ZNF577: variants seen among roughly 807,000 people sequenced by gnomAD.
ZNF577 encodes the protein zinc finger protein 577.
ZNF577 carries 14 observed loss-of-function variants against 13.9 expected under a neutral mutation model. That is an observed-to-expected ratio of 1.00 (90% CI 0.66 to 1.57). The LOEUF (loss-of-function observed/expected upper bound fraction) is 1.57, where lower values mean the gene tolerates loss of function less well. ZNF577 is among the 40% of genes most tolerant of loss of function. The probability of loss-of-function intolerance (pLI) is 0.00; values close to 1 mark genes in which losing one functional copy is unlikely to be tolerated. For synonymous variants in ZNF577, 203 were observed against 202.9 expected, an observed-to-expected ratio of 1.00 and a Z score of 0.00; for missense variants, 555 against 579.2, an observed-to-expected ratio of 0.96 and a Z score of 0.43.
chr19:51,875,052 T>C (rs917045998), intron 5 of ZNF577, among the ~76,000 whole-genome samples: 1 of 151,950 alleles, frequency 6.6e-6, no homozygotes, highest in Non-Finnish European at 1.5e-5. Flanking sequence ...TAGTGCAGCA[T>C]AGACACAAAG....
chr19:51,831,174 G>A (rs147340199), intron 9 of ZNF577, among the ~76,000 whole-genome samples: 11 of 152,042 alleles, frequency 7.2e-5, no homozygotes, highest in Admixed American at 1.3e-4. Flanking sequence ...GGAGTGCTGT[G>A]GTGCGATCTT....
At chr19:51,818,319 A>G (rs2084159231) in intron 9 of ZNF577, among the ~76,000 whole-genome samples, 1 of 152,208 alleles carries the variant, frequency 6.6e-6, no homozygotes, top group Admixed American at 6.5e-5. Flanking sequence ...TTAATTTCCC[A>G]AATGTTTCCT....
At chr19:51,839,216 T>C (rs2084305604) in intron 9 of ZNF577, among the ~76,000 whole-genome samples, 1 of 152,118 alleles carries the variant, frequency 6.6e-6, no homozygotes, top group Non-Finnish European at 1.5e-5. Context: ...AAATGTTATT[T>C]CAAAGGATTC....
Position 51,869,050 on chromosome 19 carries a change from G to GT in ZNF577, c.*3481dup, listed in dbSNP as rs2084612373. On this transcript the variant is annotated 3_prime_UTR_variant, in exon 6 of 6. Coordinates refer to ENST00000638348, the MANE Select transcript of ZNF577 (RefSeq NM_001370449.1). ...CAAGAAAGCCTGGGTATCGTCCAAGGTTTCTCCCCACTGAGACAGCCTGAG... is the reference window on the plus strand; with the variant it reads ...CAAGAAAGCCTGGGTATCGTCCAAGGTTTTCTCCCCACTGAGACAGCCTGAG... 6.6e-6 allele frequency among the ~76,000 whole-genome samples: 1 copy of GT among 152,188 alleles called. No individual in the cohort carries two copies. The highest frequency in any genetic ancestry group is 2.4e-5 in the African/African-American group (1 of 41,444).
intron 9 of ZNF577, among the ~76,000 whole-genome samples, chr19:51,838,652 T>G (rs910215799): frequency 8.1e-5 from 12 of 148,970 alleles, no homozygotes; most frequent in Non-Finnish European, 1.5e-4. Flanking sequence ...AATTTTAAAT[T>G]TAATTTAAAA....
At chr19:51,874,671 C>T (rs77630514) in intron 5 of ZNF577, among the ~76,000 whole-genome samples, 241 of 151,940 alleles carry the variant, frequency 1.6e-3, no homozygotes, top group Non-Finnish European at 2.2e-3. Context: ...ATTTTTTTGC[C>T]AAGAAAACAT....
intron 5 of ZNF577, among the ~76,000 whole-genome samples, chr19:51,858,758 A>C (rs761166509): frequency 6.6e-6 from 1 of 152,148 alleles, no homozygotes; most frequent in Non-Finnish European, 1.5e-5. Flanking sequence ...GATTCAGTCA[A>C]GTAAGTCTCA....
intron 5 of ZNF577, among the ~76,000 whole-genome samples, chr19:51,846,660 A>T (rs2084353973): frequency 1.3e-5 from 2 of 152,040 alleles, no homozygotes; most frequent in East Asian, 1.9e-4. Context: ...GTGAGCCGAG[A>T]TCGCGCCACT....
rs772696667 is a variant in ZNF577 at position 51,873,374 on chromosome 19, T to C, written c.616A>G (p.Arg206Gly). The C allele has an allele frequency of 1.9e-6, 3 of 1,614,134 alleles. No individual in the cohort carries two copies. In the African/African-American group the frequency reaches 4.0e-5, roughly 22 times the overall value. ...TGGGGCTTCTCTCCTGTGTGAGTTC[T>C]CTGATGCTCAGTGAGCTGAATCTTC... ...MRKIQLTEHQRTHTGEKPHEC... is the reference protein window; with the variant it reads ...MRKIQLTEHQGTHTGEKPHEC... The change falls in exon 6 of 6, where the codon AGA becomes GGA. Residue 206 changes from arginine to glycine, a missense_variant. Transcript: ENST00000638348.
Position 51,868,936 on chromosome 19 carries a change from G to C in ZNF577, c.*3596C>G, listed in dbSNP as rs1416710604. ...GTGCTTTGTTAAAATGTGTTTGCAG[G>C]CAGTATGCTTGGTAAAAGTCATCAC... On this transcript the variant is annotated 3_prime_UTR_variant, in exon 6 of 6. Transcript: ENST00000638348. 5.3e-5 allele frequency among the ~76,000 whole-genome samples: 8 copies of C among 152,196 alleles called. No homozygotes were observed. Among genetic ancestry groups the C allele is most frequent in the African/African-American group, 1.7e-4 (7 of 41,450 alleles).
At chr19:51,812,450 T>A (rs1235704222) in intron 9 of ZNF577, among the ~76,000 whole-genome samples, 1 of 152,190 alleles carries the variant, frequency 6.6e-6, no homozygotes, top group African/African-American at 2.4e-5. Flanking sequence ...ATATCTAACA[T>A]CTAATATTAT....
intron 6 of ZNF577, chr19:51,844,638 T>C (rs1224278256): frequency 6.6e-6 from 1 of 152,236 alleles, no homozygotes; most frequent in African/African-American, 2.4e-5. Context: ...TCATTTATTC[T>C]GTCTCCTAGT....
chr19:51,807,176 C>T (rs897472075), intron 10 of ZNF577, among the ~76,000 whole-genome samples: 1 of 151,818 alleles, frequency 6.6e-6, no homozygotes, highest in African/African-American at 2.4e-5. Flanking sequence ...GAGCTTTACA[C>T]AGCCCTCCGT....
At position 51,824,398 on chromosome 19, in the gene ZNF577, T is replaced by A; in HGVS notation, c.*600-12724A>T. 6.2e-7 allele frequency: 1 copy of A among 1,614,160 alleles called. No individual in the cohort carries two copies. Among genetic ancestry groups the A allele is most frequent in the South Asian group, 1.1e-5 (1 of 91,084 alleles). ...GGCTTCAGCGTGCCTATGTCCATCA[T>A]CACAGTCTGCTATGGGATCATCGCT... On this transcript the variant is annotated intron_variant and NMD_transcript_variant, in intron 9 of 10. Transcript: ENST00000638827. The surrounding 1 kb of genome is among the most constrained non-coding windows in gnomAD (Gnocchi z 4.7).
chr19:51,813,569 C>A lies in ZNF577; in HGVS notation c.*600-1895G>T, dbSNP rs973058899. Among the ~76,000 whole-genome samples, 7 of 151,916 alleles carry A rather than the reference C, an allele frequency of 4.6e-5. No individual in the cohort carries two copies. In the East Asian group the frequency reaches 1.2e-3, roughly 25 times the overall value. On this transcript the variant is annotated intron_variant and NMD_transcript_variant, in intron 9 of 10. Coordinates refer to the ZNF577 transcript ENST00000638827. ...TTTTTGAGACAGAGTCTCACTCTGT[C>A]ACCTAGGCTGGAGTGCAGTGGCGTG...
chr19:51,875,569 T>A (rs889897709), intron 5 of ZNF577, among the ~76,000 whole-genome samples: 2 of 152,214 alleles, frequency 1.3e-5, no homozygotes, highest in African/African-American at 4.8e-5. Flanking sequence ...TTCCTCCTCC[T>A]TGGAATAATT....
intron 10 of ZNF577, among the ~76,000 whole-genome samples, chr19:51,806,164 A>G (rs1318143645): frequency 6.6e-6 from 1 of 152,102 alleles, no homozygotes; most frequent in Non-Finnish European, 1.5e-5. Flanking sequence ...CCTTCTCTCC[A>G]TCTTTGCACT....
chr19:51,826,748 T>C (rs2084234143), intron 9 of ZNF577, among the ~76,000 whole-genome samples: 1 of 152,160 alleles, frequency 6.6e-6, no homozygotes, highest in African/African-American at 2.4e-5. Flanking sequence ...ATTATGGTTT[T>C]TCAAAGATAG....
chr19:51,861,919 T>C (rs2084507347), intron 5 of ZNF577: 1 of 152,286 alleles, frequency 6.6e-6, no homozygotes, highest in Non-Finnish European at 1.5e-5. Context: ...TTCTCTGTTA[T>C]ATAATGAGAG....
Sources: allele counts gnomAD v4.1 joint callset (sites outside exome capture counted in the v4.1 genomes callset), GRCh38; gene constraint gnomAD v4.1.1; non-coding constraint Gnocchi (gnomAD v3.1); transcripts MANE v1.5; gene names NCBI Gene and HGNC (gene_info 2026-07-23, HGNC 2026-07-21).